Variants in SLC16A10 observed in about 807,000 individuals in gnomAD.
SLC16A10 encodes solute carrier family 16 member 10, also known as monocarboxylate transporter 10.
SLC16A10 carries 27 observed loss-of-function variants against 40.0 expected under a neutral mutation model. The observed-to-expected ratio is 0.67, with a 90% CI of 0.50 to 0.93. The LOEUF is 0.93. SLC16A10 is among the 40% of genes least tolerant of loss of function. The probability of loss-of-function intolerance (pLI) is 0.00; values close to 1 mark genes in which losing one functional copy is unlikely to be tolerated. For synonymous variants in SLC16A10, 213 were observed against 249.8 expected (o/e 0.85, Z 1.39); for missense variants, 529 against 658.2 (o/e 0.80, Z 2.15).
intron 1 of SLC16A10, among the ~76,000 whole-genome samples, chr6:111,160,623 G>A (rs1441674980): frequency 3.9e-5 from 6 of 152,224 alleles, no homozygotes; most frequent in East Asian, 1.9e-4. Context: ...GACGTTCAGC[G>A]GTTCCCGAGC....
intron 1 of SLC16A10, among the ~76,000 whole-genome samples, chr6:111,089,062 C>T (rs1258878338): frequency 6.6e-6 from 1 of 151,962 alleles, no homozygotes; most frequent in African/African-American, 2.4e-5. Flanking sequence ...CTAAATCAAC[C>T]TCCCTCCCCA....
chr6:111,205,133 T>G (rs1431073331), intron 3 of SLC16A10, among the ~76,000 whole-genome samples: 2 of 152,238 alleles, frequency 1.3e-5, no homozygotes, highest in Admixed American at 6.5e-5. Flanking sequence ...AGGATTATTC[T>G]GGACCAGTAT....
intron 4 of SLC16A10, among the ~76,000 whole-genome samples, chr6:111,214,973 G>A (rs1404764277): frequency 6.6e-6 from 1 of 151,990 alleles, no homozygotes; most frequent in African/African-American, 2.4e-5. Flanking sequence ...CAAAAAAGTA[G>A]CCAGGCGTGG....
intron 1 of SLC16A10, among the ~76,000 whole-genome samples, chr6:111,137,844 C>T (rs1402301185): frequency 6.6e-6 from 1 of 152,184 alleles, no homozygotes; most frequent in African/African-American, 2.4e-5. Flanking sequence ...GGGCTTGCAA[C>T]GTAGCTCACA....
At chr6:111,121,984 C>T (rs1402835646) in intron 1 of SLC16A10, among the ~76,000 whole-genome samples, 1 of 152,160 alleles carries the variant, frequency 6.6e-6, no homozygotes, top group East Asian at 1.9e-4. Context: ...ACCCTGGCAC[C>T]CCAGGCCCTT....
chr6:111,162,474 G>T (rs1039391929), intron 1 of SLC16A10, among the ~76,000 whole-genome samples: 1 of 152,116 alleles, frequency 6.6e-6, no homozygotes, highest in African/African-American at 2.4e-5. Flanking sequence ...AAAGTATGAG[G>T]CCAGTTTTCC....
At chr6:111,098,097 C>G (rs148925824) in intron 1 of SLC16A10, among the ~76,000 whole-genome samples, 1 of 151,990 alleles carries the variant, frequency 6.6e-6, no homozygotes, top group Non-Finnish European at 1.5e-5. Context: ...ACTTGAGGTC[C>G]GGAGTTAGAG....
At chr6:111,108,707 A>G (rs1249319216) in intron 1 of SLC16A10, among the ~76,000 whole-genome samples, 3 of 152,152 alleles carry the variant, frequency 2.0e-5, no homozygotes, top group African/African-American at 7.2e-5. Context: ...TTGAAATTTG[A>G]GGTTTCCATT....
At chr6:111,169,201 A>G (rs1048436885) in intron 1 of SLC16A10, among the ~76,000 whole-genome samples, 28 of 152,172 alleles carry the variant, frequency 1.8e-4, no homozygotes, top group Non-Finnish European at 7.3e-5. Context: ...TTTCCTGCAG[A>G]TTAGAGGTGG....
chr6:111,203,690 C>A (rs1222137829), intron 3 of SLC16A10, among the ~76,000 whole-genome samples: 1 of 149,232 alleles, frequency 6.7e-6, no homozygotes, highest in South Asian at 2.1e-4. Flanking sequence ...CCACTGCACT[C>A]CAGCCTGGGC....
intron 1 of SLC16A10, among the ~76,000 whole-genome samples, chr6:111,108,791 A>T (rs942620270): frequency 2.0e-5 from 3 of 152,176 alleles, no homozygotes; most frequent in African/African-American, 7.2e-5. Flanking sequence ...TATTTATCAT[A>T]ATCAAAATAA....
intron 1 of SLC16A10, among the ~76,000 whole-genome samples, chr6:111,109,192 C>T (rs986828024): frequency 8.5e-5 from 13 of 152,308 alleles, no homozygotes; most frequent in Middle Eastern, 6.8e-3. Flanking sequence ...GTGTGTCCAT[C>T]ACCCCAGGGT....
intron 1 of SLC16A10, among the ~76,000 whole-genome samples, chr6:111,121,101 C>T (rs1222993231): frequency 1.3e-5 from 2 of 152,044 alleles, no homozygotes; most frequent in Non-Finnish European, 2.9e-5. Context: ...TTGGAATATA[C>T]AATACAACCA....
At chr6:111,158,161 A>G (rs1460349158) in intron 1 of SLC16A10, among the ~76,000 whole-genome samples, 4 of 152,136 alleles carry the variant, frequency 2.6e-5, no homozygotes, top group Non-Finnish European at 5.9e-5. Flanking sequence ...TTTTTGCAAA[A>G]TGTAGTCTGT....
intron 1 of SLC16A10, chr6:111,091,167 A>G (rs574275162): frequency 9.8e-5 from 15 of 152,332 alleles, no homozygotes; most frequent in African/African-American, 3.4e-4. Flanking sequence ...CCCCAGGCTT[A>G]TCTGACTCTA....
chr6:111,178,458 G>A lies in SLC16A10; in HGVS notation c.942+793G>A, dbSNP rs116965766. 8.6e-3 allele frequency: 4,578 copies of A among 530,598 alleles called. 50 individuals are homozygous for A. Among genetic ancestry groups the A allele is most frequent in the Non-Finnish European group, 0.012 (3,124 of 259,504 alleles). 32.9% of individuals were successfully genotyped at this position (530,598 alleles called of 1,614,324 possible). The stretch of plus-strand genomic sequence containing the variant: ...AATAATTAATGTCTAGACTGGGGTT[G>A]GTGCCTCACGCCTGTAATCCCACCA... On this transcript the variant is annotated intron_variant, in intron 3 of 5. Coordinates refer to ENST00000368851, the MANE Select transcript of SLC16A10 (RefSeq NM_018593.5).
chr6:111,150,928 G>A (rs750105124), intron 1 of SLC16A10, among the ~76,000 whole-genome samples: 12 of 152,178 alleles, frequency 7.9e-5, no homozygotes, highest in Non-Finnish European at 1.6e-4. Flanking sequence ...CTTACTCACT[G>A]TGTTGCTTTT....
intron 3 of SLC16A10, among the ~76,000 whole-genome samples, chr6:111,179,083 C>T (rs1244869975): frequency 6.6e-6 from 1 of 151,754 alleles, no homozygotes; most frequent in Non-Finnish European, 1.5e-5. Flanking sequence ...AAGCAACCCT[C>T]CTGCCTCAGC....
chr6:111,123,830 A>G (rs1771624266), intron 1 of SLC16A10, among the ~76,000 whole-genome samples: 1 of 152,138 alleles, frequency 6.6e-6, no homozygotes, highest in Admixed American at 6.5e-5. Context: ...GAAAGTGCTG[A>G]TATTCATCAG....
Sources: gnomAD v4.1 joint callset for allele counts (sites outside exome capture counted in the v4.1 genomes callset) on GRCh38, gnomAD v4.1.1 for gene constraint, MANE v1.5 for transcripts, NCBI Gene and HGNC (gene_info 2026-07-23, HGNC 2026-07-21) for gene names.